Variants in PSEN1 observed in about 807,000 individuals in gnomAD.
The protein encoded by PSEN1 is presenilin 1.
A neutral mutation model predicts 53.5 loss-of-function variants in PSEN1; 15 were observed. The observed-to-expected ratio is 0.28, with a 90% confidence interval of 0.19 to 0.43. PSEN1 has a LOEUF of 0.43. Among genes scored for constraint, PSEN1 ranks in the 20% least tolerant of loss-of-function variants. PSEN1 has a pLI of 1.00. For missense variants in PSEN1, 387 were observed against 571.2 expected, an observed-to-expected ratio of 0.68 and a Z score of 3.29; for synonymous variants, 208 against 209.8, an observed-to-expected ratio of 0.99 and a Z score of 0.08.
At chr14:73,184,340 G>A (rs1595019355) in intron 5 of PSEN1, among the ~76,000 whole-genome samples, 1 of 116,058 alleles carries the variant, frequency 8.6e-6, no homozygotes, top group Non-Finnish European at 1.8e-5. Flanking sequence ...GCGGCTGGCC[G>A]GGCAGAGGCG....
Position 73,223,031 on chromosome 14 carries a change from CCACAA to C in PSEN1, c.*3748_*3752del, listed in dbSNP as rs137925118. Reference sequence around the variant, plus strand: ...GTGATCTTCTCACCTCTTTAAATTCCCACAACACAAGAGATTAAAAACAGAGGTTT... The same window carrying C: ...GTGATCTTCTCACCTCTTTAAATTCCCACAAGAGATTAAAAACAGAGGTTT... On this transcript the variant is annotated 3_prime_UTR_variant, in exon 12 of 12. Transcript: ENST00000324501. The C allele has an allele frequency of 7.1e-4, 108 of 152,252 alleles. No homozygotes were observed. Among genetic ancestry groups the C allele is most frequent in the African/African-American group, 2.4e-3 (101 of 41,522 alleles). 9.4% of individuals were successfully genotyped at this position (152,252 alleles called of 1,614,324 possible). A position where few individuals can be genotyped will look rare whatever the true frequency, so the allele number is the denominator to read the frequency against.
intron 8 of PSEN1, among the ~76,000 whole-genome samples, chr14:73,204,341 G>A (rs1376612145): frequency 6.8e-6 from 1 of 147,212 alleles, no homozygotes; most frequent in Non-Finnish European, 1.5e-5. Context: ...TTATTTTCCT[G>A]TTGATGTAAG....
At chr14:73,138,218 A>C (rs991315569) in intron 1 of PSEN1, 2 of 148,480 alleles carry the variant, frequency 1.3e-5, no homozygotes, top group Non-Finnish European at 3.0e-5. Context: ...TTATTTATTT[A>C]TTTATTTATT....
At chr14:73,165,658 G>T (rs1897688532) in intron 3 of PSEN1, among the ~76,000 whole-genome samples, 1 of 151,138 alleles carries the variant, frequency 6.6e-6, no homozygotes, top group Admixed American at 6.6e-5. Flanking sequence ...TGAGGCAGGA[G>T]AATTGCTTGA....
At chr14:73,162,233 C>T (rs1652940359) in intron 3 of PSEN1, among the ~76,000 whole-genome samples, 1 of 150,996 alleles carries the variant, frequency 6.6e-6, no homozygotes, top group African/African-American at 2.4e-5. Flanking sequence ...AGCACTCAAC[C>T]ATCCTGATAA....
intron 1 of PSEN1, among the ~76,000 whole-genome samples, chr14:73,138,738 A>G (rs1018744348): frequency 6.7e-6 from 1 of 148,908 alleles, no homozygotes; most frequent in South Asian, 2.1e-4. Context: ...TGGCGGGCGG[A>G]TCATGAGGTC....
rs1473071680 is a variant in PSEN1 at position 73,211,222 on chromosome 14, A to G, written c.956-547A>G. On this transcript the variant is annotated intron_variant, in intron 9 of 11. Coordinates refer to ENST00000324501, the MANE Select transcript of PSEN1 (RefSeq NM_000021.4). Reference sequence around the variant, plus strand: ...ATTTGGTGGCTCAGGGATGTTTTCAAGTAGCCCAACTTCCTACTCTACCAT... The same window carrying G: ...ATTTGGTGGCTCAGGGATGTTTTCAGGTAGCCCAACTTCCTACTCTACCAT... Among the ~76,000 whole-genome samples, 3 of 152,220 alleles carry G rather than the reference A, an allele frequency of 2.0e-5. No individual in the cohort carries two copies. In the East Asian group the frequency reaches 5.8e-4, roughly 29 times the overall value.
At chr14:73,145,412 G>A (rs1861547080) in intron 1 of PSEN1, among the ~76,000 whole-genome samples, 1 of 152,054 alleles carries the variant, frequency 6.6e-6, no homozygotes, top group Admixed American at 6.6e-5. Flanking sequence ...ACTGCTCACT[G>A]CAGCTTTGAC....
chr14:73,200,296 GTCTC>G (rs1287707374), intron 8 of PSEN1, among the ~76,000 whole-genome samples: 6 of 152,096 alleles, frequency 3.9e-5, no homozygotes, highest in African/African-American at 1.2e-4. Context: ...GTGTGAGACA[GTCTC>G]TCTCTGTCAC....
intron 9 of PSEN1, among the ~76,000 whole-genome samples, chr14:73,207,636 G>A (rs1001139392): frequency 3.9e-5 from 6 of 152,338 alleles, no homozygotes; most frequent in African/African-American, 4.8e-5. Context: ...AGACTCTCAC[G>A]GGATCCTTAG....
rs200219842 is a variant in PSEN1 at position 73,206,511 on chromosome 14, G to A, written c.955+39G>A. The A allele has an allele frequency of 4.2e-4, 589 of 1,412,328 alleles. 7 individuals are homozygous for A. The South Asian group carries it at 5.2e-3, about 13-fold the overall frequency. The allele number at this position is 1,412,328 out of a possible 1,614,324, so 87.5% of individuals were successfully genotyped here. A position where few individuals can be genotyped will look rare whatever the true frequency, so the allele number is the denominator to read the frequency against. On this transcript the variant is annotated intron_variant, in intron 9 of 11. Transcript: ENST00000324501. Reference sequence around the variant, plus strand: ...ATTAGATAATATCTTGATTTTTCAGGGTCACTGTTATAAGCTAACAGTATA... The same window carrying A: ...ATTAGATAATATCTTGATTTTTCAGAGTCACTGTTATAAGCTAACAGTATA...
At chr14:73,191,377 T>G (rs1449243499) in intron 6 of PSEN1, among the ~76,000 whole-genome samples, 1 of 152,054 alleles carries the variant, frequency 6.6e-6, no homozygotes, top group Non-Finnish European at 1.5e-5. Context: ...AAAAATGTAT[T>G]TGTATATATG....
intron 3 of PSEN1, among the ~76,000 whole-genome samples, chr14:73,151,894 ATTTTTTTTTTTTTTTTTTTT>A (rs56754992): frequency 1.0e-4 from 4 of 38,952 alleles, no homozygotes; most frequent in Non-Finnish European, 1.2e-4. Flanking sequence ...ATATATATAT[ATTTTTTTTTTTTTTTTTTTT>A]TTTTTTTTTT....
intron 6 of PSEN1, among the ~76,000 whole-genome samples, chr14:73,187,278 A>G (rs1898553397): frequency 6.6e-6 from 1 of 152,176 alleles, no homozygotes; most frequent in Non-Finnish European, 1.5e-5. Context: ...ATTGTTTTTT[A>G]TCAGTGACTC....
At chr14:73,177,723 C>T (rs934594718) in intron 5 of PSEN1, among the ~76,000 whole-genome samples, 6 of 152,172 alleles carry the variant, frequency 3.9e-5, no homozygotes, top group Non-Finnish European at 8.8e-5. Context: ...CATGGTTTCT[C>T]ATAAAAATCA....
intron 8 of PSEN1, among the ~76,000 whole-genome samples, chr14:73,200,196 A>C (rs76356675): frequency 6.6e-6 from 1 of 151,804 alleles, no homozygotes; most frequent in Non-Finnish European, 1.5e-5. Flanking sequence ...ACTTTTTTTC[A>C]TGTGTTTCTT....
intron 8 of PSEN1, among the ~76,000 whole-genome samples, chr14:73,201,643 C>A (rs531951903): frequency 6.6e-6 from 1 of 152,300 alleles, no homozygotes; most frequent in African/African-American, 2.4e-5. Context: ...ATGTCATGTA[C>A]TACATCAAAG....
intron 1 of PSEN1, among the ~76,000 whole-genome samples, chr14:73,142,177 C>T (rs1896949514): frequency 6.6e-6 from 1 of 152,064 alleles, no homozygotes; most frequent in Non-Finnish European, 1.5e-5. Flanking sequence ...CCTTTAAAAA[C>T]TCAAGTAGAG....
chr14:73,136,893 G>GGAGTA (rs1896761212), intron 1 of PSEN1: 1 of 153,916 alleles, frequency 6.5e-6, no homozygotes, highest in Admixed American at 6.5e-5. Flanking sequence ...GAACTGGAGT[G>GGAGTA]GAGTAGGAGA....
Sources: allele counts gnomAD v4.1 joint callset (sites outside exome capture counted in the v4.1 genomes callset), GRCh38; gene constraint gnomAD v4.1.1; transcripts MANE v1.5; gene names NCBI Gene and HGNC (gene_info 2026-07-23, HGNC 2026-07-21).